Variants in PCSK5 observed in about 807,000 individuals in gnomAD.
PCSK5 encodes proprotein convertase subtilisin/kexin type 5.
PCSK5 carries 129 observed loss-of-function variants against 233.2 expected under a neutral mutation model. The observed-to-expected ratio is 0.55, with a 90% confidence interval of 0.48 to 0.64. The LOEUF is 0.64. PCSK5 is among the 30% of genes least tolerant of loss of function. The pLI, the probability that PCSK5 is intolerant of heterozygous loss-of-function variation, is 0.00. For missense variants in PCSK5, 2,076 were observed against 2,430.1 expected (o/e 0.85, Z 3.06); for synonymous variants, 825 against 879.2 (o/e 0.94, Z 1.09).
chr9:76,340,746 T>C (rs1829808563), intron 35 of PCSK5, among the ~76,000 whole-genome samples: 1 of 152,122 alleles, frequency 6.6e-6, no homozygotes, highest in African/African-American at 2.4e-5. Flanking sequence ...TGATCCTTCC[T>C]TTGTATCCTA....
intron 2 of PCSK5, among the ~76,000 whole-genome samples, chr9:75,984,063 A>G (rs981888420): frequency 6.6e-6 from 1 of 152,168 alleles, no homozygotes; most frequent in Admixed American, 6.5e-5. Flanking sequence ...CTAGATGCCA[A>G]GTTGCTGTGT....
chr9:75,970,802 T>G (rs1825786955), intron 2 of PCSK5, among the ~76,000 whole-genome samples: 1 of 152,052 alleles, frequency 6.6e-6, no homozygotes. Context: ...TTTTGTATTT[T>G]GGTAGAGAGG....
At chr9:76,257,762 A>G (rs1163650089) in intron 24 of PCSK5, among the ~76,000 whole-genome samples, 1 of 152,204 alleles carries the variant, frequency 6.6e-6, no homozygotes, top group Non-Finnish European at 1.5e-5. Flanking sequence ...AAGCAGTGGA[A>G]GGCAAGGGGT....
chr9:76,067,797 G>C (rs2131595335), intron 5 of PCSK5, among the ~76,000 whole-genome samples, 158 bp from the exon 6 acceptor site: 1 of 152,334 alleles, frequency 6.6e-6, no homozygotes, highest in South Asian at 2.1e-4. Flanking sequence ...TTAAGTGCTA[G>C]AAGTTTGCCA....
At chr9:75,932,245 C>T in intron 1 of PCSK5, 134 bp from the exon 2 acceptor site, 1 of 617,762 alleles carries the variant, frequency 1.6e-6, no homozygotes. Context: ...CATTTAAGCA[C>T]AGCCAGCAGC....
chr9:76,193,102 T>A, intron 20 of PCSK5: 1 of 624,042 alleles, frequency 1.6e-6, no homozygotes, highest in Non-Finnish European at 2.6e-6. Context: ...AATTTCCTCC[T>A]GTTGACTACT....
At chr9:76,006,843 A>G (rs1255289669) in intron 3 of PCSK5, among the ~76,000 whole-genome samples, 1 of 152,140 alleles carries the variant, frequency 6.6e-6, no homozygotes, top group Non-Finnish European at 1.5e-5. Context: ...AGCTTCACTG[A>G]TAGTTTTTTC....
intron 5 of PCSK5, 109 bp downstream of exon 5, chr9:76,027,146 A>G (rs998291508): frequency 3.1e-5 from 20 of 646,370 alleles, no homozygotes; most frequent in Non-Finnish European, 5.1e-5. Context: ...TATGATTGCT[A>G]ATTTGCTCCA....
intron 24 of PCSK5, among the ~76,000 whole-genome samples, chr9:76,267,922 C>T (rs1191808497): frequency 6.6e-6 from 1 of 150,684 alleles, no homozygotes; most frequent in Non-Finnish European, 1.5e-5. Flanking sequence ...GCCTACCCTC[C>T]CAAAATGCAC....
At chr9:76,154,209 T>G (rs1159904311) in intron 10 of PCSK5, among the ~76,000 whole-genome samples, 1 of 152,204 alleles carries the variant, frequency 6.6e-6, no homozygotes, top group Non-Finnish European at 1.5e-5. Flanking sequence ...AGTCTGCAGT[T>G]TAACTGTAGC....
At chr9:76,001,271 C>T (rs1827248175) in intron 3 of PCSK5, among the ~76,000 whole-genome samples, 1 of 151,960 alleles carries the variant, frequency 6.6e-6, no homozygotes, top group Admixed American at 6.6e-5. Flanking sequence ...TTCTTTTTGT[C>T]TTTAAAAATG....
intron 17 of PCSK5, among the ~76,000 whole-genome samples, chr9:76,185,549 T>C (rs1824065372): frequency 6.6e-6 from 1 of 152,206 alleles, no homozygotes; most frequent in African/African-American, 2.4e-5. Flanking sequence ...TAACCAGTAT[T>C]GGAGCATCAT....
At chr9:76,095,869 G>A (rs766313932) in intron 7 of PCSK5, 21 bp from the exon 8 acceptor site, 4 of 1,609,652 alleles carry the variant, frequency 2.5e-6, no homozygotes. Flanking sequence ...CCATCATTTA[G>A]CTTTCTCTGT....
At chr9:76,024,811 C>T (rs1489571076) in intron 4 of PCSK5, among the ~76,000 whole-genome samples, 3 of 152,222 alleles carry the variant, frequency 2.0e-5, no homozygotes, top group Non-Finnish European at 2.9e-5. Context: ...AAAGCACGTT[C>T]GGTAACATGT....
chr9:75,908,874 T>TC (rs1564074543), intron 1 of PCSK5, among the ~76,000 whole-genome samples: 82 of 133,542 alleles, frequency 6.1e-4, no homozygotes, highest in Non-Finnish European at 9.8e-4. Context: ...TCTCTTTCTA[T>TC]TTATCTATCT....
In PCSK5 at chr9:76,095,911, GTGTT is replaced by G. The variant is rs752088129; in HGVS notation, c.923_926del (p.Val308GlyfsTer66). 1.2e-6 allele frequency: 2 copies of G among 1,614,148 alleles called. No homozygotes were observed. The highest frequency in any genetic ancestry group is 1.7e-6 in the Non-Finnish European group (2 of 1,180,026). ...ACAGGGGCGGAGAGGCCTCGGCTCT[GTGTT>G]TGTTTGGGCATCTGGAAATGGTGGA... is the stretch of plus-strand genomic sequence containing the variant. On this transcript the variant is annotated frameshift_variant, in exon 8 of 38. Transcript: ENST00000674117. LOFTEE classifies it high-confidence loss of function.
intron 1 of PCSK5, among the ~76,000 whole-genome samples, chr9:75,891,717 A>C (rs1395714453): frequency 6.7e-6 from 1 of 150,102 alleles, no homozygotes; most frequent in Admixed American, 6.6e-5. Context: ...TAGTAATCTG[A>C]GGCAGTCTCA....
chr9:76,145,899 G>A (rs569669153), intron 10 of PCSK5, among the ~76,000 whole-genome samples: 13 of 152,156 alleles, frequency 8.5e-5, no homozygotes, highest in Non-Finnish European at 1.9e-4. Context: ...AAGAAATGCT[G>A]AAAATTAATC....
chr9:75,896,567 A>G (rs1825815432), intron 1 of PCSK5, among the ~76,000 whole-genome samples: 1 of 152,138 alleles, frequency 6.6e-6, no homozygotes, highest in African/African-American at 2.4e-5. Context: ...CCAAGGCTGA[A>G]GTATCTCCAG....
Sources: gnomAD v4.1 joint callset for allele counts (sites outside exome capture counted in the v4.1 genomes callset) on GRCh38, gnomAD v4.1.1 for gene constraint, MANE v1.5 for transcripts, NCBI Gene and HGNC (gene_info 2026-07-23, HGNC 2026-07-21) for gene names.